Variants in CDC40 observed in about 807,000 individuals in gnomAD.
CDC40 encodes the protein pre-mRNA-processing factor 17.
A neutral mutation model predicts 80.6 loss-of-function variants in CDC40; 27 were observed. That is an observed-to-expected ratio of 0.33 (90% CI 0.25 to 0.46). The LOEUF (loss-of-function observed/expected upper bound fraction) is 0.46. CDC40 is among the 20% of genes least tolerant of loss of function. CDC40 has a pLI of 1.00. For synonymous variants in CDC40, 221 were observed against 232.6 expected (o/e 0.95, Z 0.45); for missense variants, 486 against 694.1 (o/e 0.70, Z 3.37).
chr6:110,213,183 G>A, intron 8 of CDC40, 23 bp downstream of exon 8: 1 of 1,400,090 alleles, frequency 7.1e-7, no homozygotes, highest in Non-Finnish European at 1.0e-6. Flanking sequence ...TAACAGAGTA[G>A]GAGTGCTGCA....
Position 110,218,460 on chromosome 6 carries a change from A to G in CDC40, c.1090+657A>G, listed in dbSNP as rs188581356. Among the ~76,000 whole-genome samples the G allele has an allele frequency of 4.2e-4, 64 of 152,300 alleles. 2 individuals carry two copies. The East Asian group carries it at 0.012, about 28-fold the overall frequency. On this transcript the variant is annotated intron_variant, in intron 10 of 14. Coordinates refer to ENST00000307731, the MANE Select transcript of CDC40 (RefSeq NM_015891.3). The stretch of plus-strand genomic sequence containing the variant: ...CTTAATTTATCCCTATGAGGTAAGT[A>G]CTATTATTATATTATAGATAAGGAA...
At chr6:110,200,165 C>G (rs1584068559) in intron 2 of CDC40, among the ~76,000 whole-genome samples, 1 of 152,048 alleles carries the variant, frequency 6.6e-6, no homozygotes, top group Admixed American at 6.5e-5. Context: ...AAAATTGAAT[C>G]ATTTTAAACA....
At chr6:110,187,031 T>G (rs1195939964) in intron 1 of CDC40, among the ~76,000 whole-genome samples, 1 of 152,000 alleles carries the variant, frequency 6.6e-6, no homozygotes, top group African/African-American at 2.4e-5. Flanking sequence ...CAGGCTGGAG[T>G]TGAGTGGCGC....
chr6:110,209,435 CT>C, intron 5 of CDC40: 1 of 431,630 alleles, frequency 2.3e-6, no homozygotes, highest in Non-Finnish European at 4.2e-6. Context: ...TTCTCTCATG[CT>C]TTTTTATTAA....
chr6:110,212,770 AT>A (rs1777652780), intron 7 of CDC40, among the ~76,000 whole-genome samples: 1 of 152,058 alleles, frequency 6.6e-6, no homozygotes, highest in South Asian at 2.1e-4. Flanking sequence ...ATTCCAACTT[AT>A]AATTTCCAAC....
intron 1 of CDC40, 80 bp from the exon 2 acceptor site, chr6:110,193,102 G>T: frequency 1.3e-6 from 1 of 795,030 alleles, no homozygotes; most frequent in Non-Finnish European, 2.2e-6. Context: ...GTTAAAGATG[G>T]CTAGTGTGAC....
Position 110,228,836 on chromosome 6 carries a change from A to G in CDC40, c.1422A>G (p.Lys474=), listed in dbSNP as rs1390110559. The G allele has an allele frequency of 1.3e-6, 2 of 1,574,904 alleles. No homozygotes were observed. Among genetic ancestry groups the G allele is most frequent in the South Asian group, 1.2e-5 (1 of 82,354 alleles). ...CCTCATTTATTGAATTTACAGGAAAATGGCTAGCATGCCAATCAATGGACA... is the reference window on the plus strand; with the variant it reads ...CCTCATTTATTGAATTTACAGGAAAGTGGCTAGCATGCCAATCAATGGACA... ...MPAVTLSPNG[K]WLACQSMDNQ... Residue 474 remains lysine (K), a synonymous_variant, in exon 14 of 15, where the codon AAA becomes AAG. Coordinates refer to ENST00000307731, the MANE Select transcript of CDC40 (RefSeq NM_015891.3).
At chr6:110,220,649 G>T (rs748317027) in intron 12 of CDC40, among the ~76,000 whole-genome samples, 1 of 152,056 alleles carries the variant, frequency 6.6e-6, no homozygotes, top group Non-Finnish European at 1.5e-5. Flanking sequence ...GTTTCACTGT[G>T]TTAGCCAGGA....
chr6:110,193,782 T>C (rs1457121887), intron 2 of CDC40, among the ~76,000 whole-genome samples: 2 of 152,246 alleles, frequency 1.3e-5, no homozygotes, highest in African/African-American at 4.8e-5. Context: ...CACTAGCTGC[T>C]TATCTGTCTA....
intron 1 of CDC40, among the ~76,000 whole-genome samples, chr6:110,184,782 A>G (rs926110918): frequency 2.6e-5 from 4 of 152,170 alleles, no homozygotes; most frequent in African/African-American, 9.7e-5. Flanking sequence ...ACTGGAGACA[A>G]AAGAGTCACT....
intron 1 of CDC40, among the ~76,000 whole-genome samples, chr6:110,183,059 C>T (rs966980999): frequency 1.3e-5 from 2 of 152,336 alleles, no homozygotes; most frequent in Non-Finnish European, 2.9e-5. Flanking sequence ...ATTTTGCCCA[C>T]GCTAGTCTTT....
intron 1 of CDC40, among the ~76,000 whole-genome samples, chr6:110,183,536 T>G (rs987319704): frequency 2.0e-5 from 3 of 152,204 alleles, no homozygotes; most frequent in African/African-American, 7.2e-5. Flanking sequence ...CCCAGTGGTC[T>G]GGGTTCTATG....
At chr6:110,201,948 A>G (rs1777498726) in intron 3 of CDC40, among the ~76,000 whole-genome samples, 2 of 152,222 alleles carry the variant, frequency 1.3e-5, no homozygotes, top group Non-Finnish European at 2.9e-5. Context: ...TTGTTGTCGT[A>G]CTAGGTAATG....
intron 13 of CDC40, among the ~76,000 whole-genome samples, chr6:110,227,227 A>G (rs55956228): frequency 0.12 from 18,558 of 152,200 alleles, 1,158 homozygotes; most frequent in South Asian, 0.19. Flanking sequence ...ATACTGATGT[A>G]ATTATAGCTT....
intron 8 of CDC40, among the ~76,000 whole-genome samples, chr6:110,214,031 G>C (rs560422432): frequency 3.7e-4 from 57 of 152,194 alleles, no homozygotes; most frequent in African/African-American, 1.2e-3. Flanking sequence ...GGCTTGAAAA[G>C]TTGAGTCATT....
chr6:110,200,884 G>A (rs976279435), intron 2 of CDC40, among the ~76,000 whole-genome samples: 8 of 152,148 alleles, frequency 5.3e-5, no homozygotes, highest in Admixed American at 5.2e-4. Context: ...GCACTATTCG[G>A]TATAAGAAAA....
intron 2 of CDC40, 99 bp from the exon 3 acceptor site, chr6:110,201,459 C>CT (rs1460251647): frequency 4.4e-6 from 4 of 916,708 alleles, no homozygotes; most frequent in Non-Finnish European, 6.3e-6. Context: ...TTAATAGGCC[C>CT]TTTTTTTGTA....
rs576224807 is a variant in CDC40, at chr6:110,180,647, C to T, written c.189+14C>T. ...GTGGCAGTTAAGGTAAGCACTTTTG[C>T]TACTAATGCAGTGTGGGAATTGTTG... On this transcript the variant is annotated intron_variant, in intron 1 of 14. Coordinates refer to ENST00000307731, the MANE Select transcript of CDC40 (RefSeq NM_015891.3). 3.2e-5 allele frequency: 51 copies of T among 1,594,500 alleles called. No homozygotes were observed. Among genetic ancestry groups the T allele is most frequent in the Non-Finnish European group, 4.2e-5 (49 of 1,163,078 alleles).
Position 110,180,485 on chromosome 6 carries a change from C to G in CDC40, c.41C>G (p.Ser14Trp). The G allele has an allele frequency of 6.2e-7, 1 of 1,614,192 alleles. No homozygotes were observed. The highest frequency in any genetic ancestry group is 8.5e-7 in the Non-Finnish European group (1 of 1,180,034). The change falls in exon 1 of 15, where the codon TCG becomes TGG. Residue 14 changes from serine (S) to tryptophan (W), a missense_variant. Physicochemically the swap from Ser to Trp is radical, Grantham distance 177. Coordinates refer to ENST00000307731, the MANE Select transcript of CDC40 (RefSeq NM_015891.3). ...AIAALAASYG[S>W]GSGSESDSDS... The stretch of plus-strand genomic sequence containing the variant: ...GCAGCTCTGGCCGCTTCCTATGGTT[C>G]GGGTTCAGGGTCCGAATCGGACTCG...
Sources: gnomAD v4.1 joint callset for allele counts (sites outside exome capture counted in the v4.1 genomes callset) on GRCh38, gnomAD v4.1.1 for gene constraint, MANE v1.5 for transcripts, NCBI Gene and HGNC (gene_info 2026-07-23, HGNC 2026-07-21) for gene names.